Variants in RPS6KA2 observed in about 807,000 individuals in gnomAD.
The protein encoded by RPS6KA2 is ribosomal protein S6 kinase alpha-2.
A neutral mutation model predicts 91.8 loss-of-function variants in RPS6KA2; 42 were observed. The ratio of observed to expected loss-of-function variants is 0.46; its 90% CI spans 0.36 to 0.59. RPS6KA2 has a LOEUF of 0.59. RPS6KA2 is among the 20% of genes least tolerant of loss of function. The probability of loss-of-function intolerance (pLI) is 0.00; values close to 1 mark genes in which losing one functional copy is unlikely to be tolerated. For missense variants in RPS6KA2, 798 were observed against 978.5 expected (o/e 0.82, Z 2.46); for synonymous variants, 414 against 393.6 (o/e 1.05, Z -0.61).
intron 1 of RPS6KA2, among the ~76,000 whole-genome samples, chr6:166,600,266 A>G (rs547755185): frequency 2.6e-5 from 4 of 152,112 alleles, no homozygotes; most frequent in Non-Finnish European, 5.9e-5. Context: ...CAGCCTCCCA[A>G]CATGCTGGGA....
chr6:166,792,127 C>G (rs1421772942), intron 2 of RPS6KA2, among the ~76,000 whole-genome samples: 1 of 151,806 alleles, frequency 6.6e-6, no homozygotes, highest in African/African-American at 2.4e-5. Flanking sequence ...ACTAGCAAGA[C>G]TAATAAAGAA....
At chr6:166,787,182 C>T (rs1454731762) in intron 2 of RPS6KA2, among the ~76,000 whole-genome samples, 1 of 151,974 alleles carries the variant, frequency 6.6e-6, no homozygotes, top group Non-Finnish European at 1.5e-5. Context: ...AAGATAAAGA[C>T]TGATGTATGT....
At position 166,732,782 on chromosome 6, in the gene RPS6KA2, CAG is replaced by C. The variant is rs993461294; in HGVS notation, c.123+125416_123+125417del. 7.9e-5 allele frequency among the ~76,000 whole-genome samples: 12 copies of C among 152,064 alleles called. No individual in the cohort carries two copies. The highest frequency in any genetic ancestry group is 2.2e-4 in the African/African-American group (9 of 41,356). ...AGCCTCTTCCTACCAGAGGTGATGA[CAG>C]GGGGATGACAGGGGGAGCTGTGAAG... On this transcript the variant is annotated intron_variant, in intron 2 of 21. Coordinates refer to the RPS6KA2 transcript ENST00000503859. This position sits in a 1 kb window ranked among gnomAD's most constrained non-coding sequence, Gnocchi z 4.0.
At chr6:166,592,144 G>A (rs1785374841) in intron 1 of RPS6KA2, among the ~76,000 whole-genome samples, 1 of 152,240 alleles carries the variant, frequency 6.6e-6, no homozygotes. Context: ...CCAAATACCA[G>A]CAGAAAGAGA....
intron 1 of RPS6KA2, among the ~76,000 whole-genome samples, chr6:166,568,351 C>T (rs182369053): frequency 3.9e-5 from 6 of 152,130 alleles, no homozygotes; most frequent in African/African-American, 1.2e-4. Context: ...CGGTGACTCA[C>T]GCCTATTATC....
At chr6:166,672,556 T>C (rs1788500248) in intron 2 of RPS6KA2, among the ~76,000 whole-genome samples, 1 of 152,220 alleles carries the variant, frequency 6.6e-6, no homozygotes, top group Non-Finnish European at 1.5e-5. Context: ...ATTGGATACC[T>C]TCAATTCTTT....
chr6:166,436,225 G>A (rs961147517), intron 14 of RPS6KA2, among the ~76,000 whole-genome samples: 1 of 150,884 alleles, frequency 6.6e-6, no homozygotes, highest in African/African-American at 2.4e-5. Flanking sequence ...TTTCGGTCCT[G>A]TCTGAATCCT....
chr6:166,471,406 T>C (rs1447769179), intron 10 of RPS6KA2, among the ~76,000 whole-genome samples: 1 of 151,994 alleles, frequency 6.6e-6, no homozygotes, highest in Non-Finnish European at 1.5e-5. Context: ...CGCCTCTAGG[T>C]GGTCAACGGC....
chr6:166,711,870 T>TA (rs1312155295), intron 2 of RPS6KA2, among the ~76,000 whole-genome samples: 8 of 149,432 alleles, frequency 5.4e-5, no homozygotes, highest in Non-Finnish European at 8.9e-5. Flanking sequence ...ATGAGCTGAT[T>TA]AAAAAAAAAC....
At position 166,635,071 on chromosome 6, in the gene RPS6KA2, G is replaced by A. The variant is rs1192888549; in HGVS notation, c.124-96287C>T. 1.3e-5 allele frequency among the ~76,000 whole-genome samples: 2 copies of A among 152,212 alleles called. No individual in the cohort carries two copies. The highest frequency in any genetic ancestry group is 3.8e-4 in the East Asian group (2 of 5,196). ...TTATAATAATTTTAAAAAGACTTGT[G>A]ATAACGGAGAGCCAACGGTAGTACG... On this transcript the variant is annotated intron_variant, in intron 2 of 21. Transcript: ENST00000503859. This position sits in a 1 kb window ranked among gnomAD's most constrained non-coding sequence, Gnocchi z 4.8.
chr6:166,843,680 C>T lies in RPS6KA2; in HGVS notation c.123+14520G>A, dbSNP rs540703194. Among the ~76,000 whole-genome samples, 4 of 152,290 alleles carry T rather than the reference C, an allele frequency of 2.6e-5. No individual in the cohort carries two copies. In the South Asian group the frequency reaches 8.3e-4, roughly 32 times the overall value. On this transcript the variant is annotated intron_variant, in intron 2 of 21. Coordinates refer to the RPS6KA2 transcript ENST00000503859. ...TCCAGAAGAGCAAAAACAATCACTACAGTTCAGCTCTCAGGAAGCCCCATC... is the reference window on the plus strand; with the variant it reads ...TCCAGAAGAGCAAAAACAATCACTATAGTTCAGCTCTCAGGAAGCCCCATC...
At chr6:166,664,975 C>T (rs764752525) in intron 2 of RPS6KA2, among the ~76,000 whole-genome samples, 4 of 152,046 alleles carry the variant, frequency 2.6e-5, no homozygotes, top group Admixed American at 6.5e-5. Context: ...CCAGGTGTGG[C>T]GGCTCACACC....
chr6:166,521,760 C>G (rs1339948241), intron 3 of RPS6KA2, among the ~76,000 whole-genome samples: 3 of 152,158 alleles, frequency 2.0e-5, no homozygotes, highest in African/African-American at 7.2e-5. Flanking sequence ...GAAGCGGAGG[C>G]TATGGAGATG....
intron 2 of RPS6KA2, among the ~76,000 whole-genome samples, chr6:166,642,337 A>T (rs999665755): frequency 2.0e-4 from 30 of 152,388 alleles, no homozygotes; most frequent in African/African-American, 7.0e-4. Context: ...CAAAACAAAG[A>T]CATTTCCAAG....
rs555140489 is a variant in RPS6KA2 at position 166,497,570 on chromosome 6, G to A, written c.747+938C>T. On this transcript the variant is annotated intron_variant, in intron 8 of 20. Coordinates refer to ENST00000265678, the MANE Select transcript of RPS6KA2 (RefSeq NM_021135.6). ...CCTGTGAGCTCCCGGGGCTGAGGCCGGAGCCTGGAGAGTGCTGCAGTGACC... is the reference window on the plus strand; with the variant it reads ...CCTGTGAGCTCCCGGGGCTGAGGCCAGAGCCTGGAGAGTGCTGCAGTGACC... Among the ~76,000 whole-genome samples the A allele has an allele frequency of 9.2e-5, 14 of 152,358 alleles. No individual in the cohort carries two copies. In the South Asian group the frequency reaches 1.7e-3, roughly 18 times the overall value.
intron 2 of RPS6KA2, among the ~76,000 whole-genome samples, chr6:166,801,373 C>T (rs947752548): frequency 2.6e-5 from 4 of 151,978 alleles, no homozygotes; most frequent in African/African-American, 7.3e-5. Context: ...GATGAGGACT[C>T]GATCTGGTAC....
At chr6:166,840,212 C>T (rs1420243802) in intron 2 of RPS6KA2, among the ~76,000 whole-genome samples, 1 of 152,104 alleles carries the variant, frequency 6.6e-6, no homozygotes, top group Non-Finnish European at 1.5e-5. Context: ...CACACTCAAG[C>T]ATGCTCTGGC....
intron 2 of RPS6KA2, among the ~76,000 whole-genome samples, chr6:166,782,366 C>G (rs1047805200): frequency 2.0e-5 from 3 of 152,128 alleles, no homozygotes; most frequent in Non-Finnish European, 4.4e-5. Context: ...CAAAATTACC[C>G]CTGGTTCAGA....
At chr6:166,663,963 T>G (rs1788242271) in intron 2 of RPS6KA2, among the ~76,000 whole-genome samples, 1 of 152,244 alleles carries the variant, frequency 6.6e-6, no homozygotes, top group Non-Finnish European at 1.5e-5. Context: ...ATGTCTCTGT[T>G]TTATTATCTG....
Sources: allele counts gnomAD v4.1 joint callset (sites outside exome capture counted in the v4.1 genomes callset), GRCh38; gene constraint gnomAD v4.1.1; non-coding constraint Gnocchi (gnomAD v3.1); transcripts MANE v1.5; gene names NCBI Gene and HGNC (gene_info 2026-07-23, HGNC 2026-07-21).